The following NRXN1 variants were observed in gnomAD, a reference collection of about 807,000 sequenced individuals.
NRXN1 encodes the protein neurexin-1.
NRXN1 carries 39 observed loss-of-function variants against 150.9 expected under a neutral mutation model. The ratio of observed to expected loss-of-function variants is 0.26; its 90% confidence interval spans 0.20 to 0.34. NRXN1 has a LOEUF of 0.34. NRXN1 is among the 10% of genes least tolerant of loss of function. The pLI is 1.00. For synonymous variants in NRXN1, 924 were observed against 757.0 expected (o/e 1.22, Z -3.62); for missense variants, 1,815 against 1,949.9 (o/e 0.93, Z 1.30).
intron 17 of NRXN1, among the ~76,000 whole-genome samples, chr2:50,386,152 T>C (rs1351850838): frequency 1.3e-5 from 2 of 152,100 alleles, no homozygotes; most frequent in Non-Finnish European, 2.9e-5. Context: ...TAACAAGTCA[T>C]TCATTATTGA....
chr2:50,372,438 A>G (rs2080097555), intron 17 of NRXN1, among the ~76,000 whole-genome samples: 1 of 152,062 alleles, frequency 6.6e-6, no homozygotes, highest in African/African-American at 2.4e-5. Flanking sequence ...AGATAATCAC[A>G]TTTCAAACTT....
At position 50,573,376 on chromosome 2, in the gene NRXN1, C is replaced by A. The variant is rs566752132; in HGVS notation, c.1321-20351G>T. Among the ~76,000 whole-genome samples the A allele has an allele frequency of 1.0e-4, 15 of 148,396 alleles. 1 individual carries two copies. In the South Asian group the frequency reaches 3.0e-3, roughly 29 times the overall value. Reference sequence around the variant, plus strand: ...ACACTCTGTCTTTAAAAAAAAAAAACGGAATCTAAAGTCAAACACATGGAT... The same window carrying A: ...ACACTCTGTCTTTAAAAAAAAAAAAAGGAATCTAAAGTCAAACACATGGAT... On this transcript the variant is annotated intron_variant, in intron 8 of 22. Coordinates refer to ENST00000401669, the MANE Select transcript of NRXN1 (RefSeq NM_001330078.2).
At chr2:50,539,826 T>C (rs1225831080) in intron 9 of NRXN1, among the ~76,000 whole-genome samples, 1 of 152,060 alleles carries the variant, frequency 6.6e-6, no homozygotes, top group East Asian at 1.9e-4. Flanking sequence ...AAGAGAGACC[T>C]GGAGATGGGA....
intron 21 of NRXN1, among the ~76,000 whole-genome samples, chr2:50,018,026 C>T (rs1337182246): frequency 3.9e-5 from 6 of 152,128 alleles, no homozygotes; most frequent in Non-Finnish European, 8.8e-5. Context: ...AGATACTTAA[C>T]AGTTTGATAA....
chr2:50,203,117 C>T (rs2062305665), intron 18 of NRXN1, among the ~76,000 whole-genome samples: 1 of 152,084 alleles, frequency 6.6e-6, no homozygotes, highest in Admixed American at 6.6e-5. Flanking sequence ...AGGTGAAGAG[C>T]TAGCAAACCT....
intron 21 of NRXN1, among the ~76,000 whole-genome samples, chr2:49,977,302 A>T (rs1679158851): frequency 6.6e-6 from 1 of 152,162 alleles, no homozygotes; most frequent in African/African-American, 2.4e-5. Flanking sequence ...AACATTTGAC[A>T]ATGTTTGGTG....
intron 9 of NRXN1, among the ~76,000 whole-genome samples, chr2:50,546,697 A>G (rs2093501650): frequency 6.6e-6 from 1 of 152,212 alleles, no homozygotes; most frequent in Non-Finnish European, 1.5e-5. Flanking sequence ...ACATTTTAAT[A>G]AAACTTAACA....
chr2:50,570,010 C>T (rs914882877), intron 8 of NRXN1, among the ~76,000 whole-genome samples: 9 of 152,116 alleles, frequency 5.9e-5, no homozygotes, highest in Non-Finnish European at 8.8e-5. Context: ...TGCCAATTAA[C>T]GCTGCTCATA....
intron 21 of NRXN1, among the ~76,000 whole-genome samples, chr2:49,978,385 T>C (rs1172620410): frequency 2.0e-5 from 3 of 152,146 alleles, no homozygotes; most frequent in African/African-American, 7.2e-5. Context: ...AGAAACTATG[T>C]CTGCAGTTCT....
chr2:49,934,904 G>C (rs1179070611), intron 22 of NRXN1, among the ~76,000 whole-genome samples: 2 of 152,076 alleles, frequency 1.3e-5, no homozygotes, highest in African/African-American at 4.8e-5. Flanking sequence ...AATTTATCCA[G>C]CTAAAGCACT....
At chr2:50,801,720 G>A (rs1458826474) in intron 5 of NRXN1, among the ~76,000 whole-genome samples, 1 of 152,078 alleles carries the variant, frequency 6.6e-6, no homozygotes, top group Non-Finnish European at 1.5e-5. Context: ...ATTTATATTT[G>A]TATTTTCATT....
In NRXN1 at chr2:50,320,283, C is replaced by CTTATATAT. The variant is rs1178411507; in HGVS notation, c.3365-83314_3365-83313insATATATAA. On this transcript the variant is annotated intron_variant, in intron 17 of 22. Coordinates refer to ENST00000401669, the MANE Select transcript of NRXN1 (RefSeq NM_001330078.2). ...TATTCATTTATTCTTATACCTCAAT[C>CTTATATAT]ATATATATATATATATATATATATA... Among the ~76,000 whole-genome samples the CTTATATAT allele has an allele frequency of 3.0e-3, 131 of 43,042 alleles. 3 individuals carry two copies. The highest frequency in any genetic ancestry group is 6.7e-3 in the African/African-American group (114 of 17,084). 28.2% of individuals were successfully genotyped at this position (43,042 alleles called of 152,430 possible). A position where few individuals can be genotyped will look rare whatever the true frequency, so the allele number is the denominator to read the frequency against.
chr2:50,624,519 T>A (rs1460143424), intron 5 of NRXN1, among the ~76,000 whole-genome samples: 1 of 152,042 alleles, frequency 6.6e-6, no homozygotes, highest in East Asian at 1.9e-4. Context: ...AGTTTTATCA[T>A]TGAGAGACCA....
chr2:50,976,754 C>T (rs572385446), intron 2 of NRXN1, among the ~76,000 whole-genome samples: 2 of 151,848 alleles, frequency 1.3e-5, no homozygotes, highest in Non-Finnish European at 2.9e-5. Flanking sequence ...GGAACTGTAA[C>T]CCTGTGTACA....
intron 17 of NRXN1, among the ~76,000 whole-genome samples, chr2:50,406,907 A>AT (rs1271631416): frequency 1.3e-3 from 192 of 149,418 alleles, no homozygotes; most frequent in African/African-American, 4.4e-3. Flanking sequence ...TTTAAAGCTC[A>AT]ATTTTTTGCA....
intron 5 of NRXN1, among the ~76,000 whole-genome samples, chr2:50,625,202 A>C (rs187827240): frequency 1.3e-5 from 2 of 152,062 alleles, no homozygotes; most frequent in African/African-American, 2.4e-5. Flanking sequence ...CTGGAATCAG[A>C]GCTCAAATCG....
chr2:49,971,924 T>A (rs1452757101), intron 21 of NRXN1, among the ~76,000 whole-genome samples: 1 of 152,186 alleles, frequency 6.6e-6, no homozygotes, highest in Admixed American at 6.5e-5. Context: ...CAAAAGAACT[T>A]TTTTTGAGAA....
intron 2 of NRXN1, among the ~76,000 whole-genome samples, chr2:50,950,297 T>TA (rs1691102355): frequency 6.6e-6 from 1 of 152,092 alleles, no homozygotes; most frequent in Non-Finnish European, 1.5e-5. Context: ...GAGATTGCAA[T>TA]AAAAAAGAAA....
chr2:50,560,013 T>G (rs954777275), intron 8 of NRXN1, among the ~76,000 whole-genome samples: 23 of 152,176 alleles, frequency 1.5e-4, no homozygotes, highest in African/African-American at 4.8e-4. Flanking sequence ...AGGAGAAAAT[T>G]AGACATTTCC....
Sources: gnomAD v4.1 joint callset for allele counts (sites outside exome capture counted in the v4.1 genomes callset) on GRCh38, gnomAD v4.1.1 for gene constraint, MANE v1.5 for transcripts, NCBI Gene and HGNC (gene_info 2026-07-23, HGNC 2026-07-21) for gene names.